The following HSF5 variants were observed in gnomAD, a reference collection of about 807,000 sequenced individuals.
HSF5 encodes the protein heat shock factor protein 5.
HSF5 carries 5 observed loss-of-function variants against 50.8 expected under a neutral mutation model. That is an observed-to-expected ratio of 0.10 (90% CI 0.05 to 0.21). The LOEUF (loss-of-function observed/expected upper bound fraction) is 0.21, where lower values mean the gene tolerates loss of function less well. Among genes scored for constraint, HSF5 ranks in the 10% least tolerant of loss-of-function variants. The probability of loss-of-function intolerance (pLI) is 1.00; values close to 1 mark genes in which losing one functional copy is unlikely to be tolerated. For synonymous variants in HSF5, 307 were observed against 307.4 expected (o/e 1.00, Z 0.02); for missense variants, 564 against 762.6 (o/e 0.74, Z 3.07).
chr17:58,488,081 GC>G lies in HSF5; in HGVS notation c.193del (p.Ala65ProfsTer124). On this transcript the variant is annotated frameshift_variant, in exon 1 of 6. Transcript: ENST00000323777. LOFTEE classifies it high-confidence loss of function. The surrounding 1 kb of genome is among the most constrained non-coding windows in gnomAD (Gnocchi z 4.1). ...GPGGGGGTAG[A>X]GAEPELFKTT... Reference sequence around the variant, plus strand: ...TTTGAAGAGCTCGGGCTCGGCCCCGGCCCCCGCAGTCCCGCCACCGCCCCCC... The same window carrying G: ...TTTGAAGAGCTCGGGCTCGGCCCCGGCCCCGCAGTCCCGCCACCGCCCCCC... The G allele has an allele frequency of 6.3e-7, 1 of 1,580,776 alleles. No homozygotes were observed. The highest frequency in any genetic ancestry group is 1.4e-5 in the African/African-American group (1 of 72,478).
chr17:58,459,070 ATTC>A, intron 4 of HSF5, 125 bp from the exon 5 acceptor site: 1 of 780,570 alleles, frequency 1.3e-6, no homozygotes, highest in Non-Finnish European at 2.1e-6. Context: ...AAGGCTTTTC[ATTC>A]TTATTATTGA....
intron 3 of HSF5, among the ~76,000 whole-genome samples, chr17:58,464,298 T>C (rs1462227300): frequency 6.6e-6 from 1 of 152,228 alleles, no homozygotes; most frequent in African/African-American, 2.4e-5. Flanking sequence ...ATAGATTTCA[T>C]CCAACCTTCA....
At chr17:58,465,624 CAA>C (rs11309055) in intron 3 of HSF5, among the ~76,000 whole-genome samples, 273 of 143,688 alleles carry the variant, frequency 1.9e-3, no homozygotes, top group Admixed American at 2.1e-3. Flanking sequence ...AGATTTTCTC[CAA>C]AAAAAAAAAA....
intron 5 of HSF5, among the ~76,000 whole-genome samples, chr17:58,456,143 A>G (rs751858104): frequency 2.2e-5 from 3 of 137,732 alleles, no homozygotes; most frequent in Non-Finnish European, 4.6e-5. Flanking sequence ...GTGTGTGTAT[A>G]TATATATATG....
At chr17:58,430,973 T>G (rs1476728402) in intron 5 of HSF5, among the ~76,000 whole-genome samples, 1 of 152,144 alleles carries the variant, frequency 6.6e-6, no homozygotes, top group Non-Finnish European at 1.5e-5. Context: ...AATCCCACCT[T>G]GAATTCCCAC....
At chr17:58,462,150 T>C (rs7219576) in intron 4 of HSF5, among the ~76,000 whole-genome samples, 1 of 152,242 alleles carries the variant, frequency 6.6e-6, no homozygotes, top group African/African-American at 2.4e-5. Context: ...TTTGTTTCTG[T>C]GGATGTACTT....
chr17:58,459,972 T>C (rs1010569939), intron 4 of HSF5, among the ~76,000 whole-genome samples: 2 of 152,180 alleles, frequency 1.3e-5, no homozygotes, highest in African/African-American at 2.4e-5. Flanking sequence ...CTCAAAATTG[T>C]ATAAGCTTTA....
intron 5 of HSF5, among the ~76,000 whole-genome samples, chr17:58,436,823 A>G (rs1368296131): frequency 1.3e-5 from 2 of 148,782 alleles, no homozygotes; most frequent in Admixed American, 6.7e-5. Flanking sequence ...GAAAGAGCAG[A>G]AAAAAAAAAC....
At chr17:58,464,735 C>T (rs1257690245) in intron 3 of HSF5, among the ~76,000 whole-genome samples, 1 of 152,132 alleles carries the variant, frequency 6.6e-6, no homozygotes, top group Non-Finnish European at 1.5e-5. Context: ...CAGGTTCAGG[C>T]GATTCTCCTG....
intron 1 of HSF5, among the ~76,000 whole-genome samples, chr17:58,481,582 T>A (rs1567919464): frequency 2.0e-5 from 3 of 152,266 alleles, no homozygotes; most frequent in African/African-American, 7.2e-5. Context: ...TATGTGCTAC[T>A]CAAGTATTAA....
chr17:58,439,445 A>C (rs926366967), intron 5 of HSF5, among the ~76,000 whole-genome samples: 5 of 152,170 alleles, frequency 3.3e-5, no homozygotes, highest in African/African-American at 4.8e-5. Flanking sequence ...CCCAAAAAGG[A>C]ACAATTATAG....
intron 5 of HSF5, among the ~76,000 whole-genome samples, chr17:58,433,030 C>T (rs950633375): frequency 1.4e-5 from 2 of 143,298 alleles, no homozygotes; most frequent in African/African-American, 5.2e-5. Flanking sequence ...ATTCATTCAT[C>T]TGAGACAAGG....
At chr17:58,429,405 G>C (rs900440230) in intron 5 of HSF5, among the ~76,000 whole-genome samples, 1 of 152,194 alleles carries the variant, frequency 6.6e-6, no homozygotes, top group Non-Finnish European at 1.5e-5. Context: ...AGCGAGGCAT[G>C]GTGGCCCATG....
chr17:58,426,467 G>C (rs1974297698), intron 5 of HSF5, among the ~76,000 whole-genome samples: 1 of 152,164 alleles, frequency 6.6e-6, no homozygotes, highest in Admixed American at 6.5e-5. Flanking sequence ...GGAATCACAG[G>C]CTTGAGAGGT....
At chr17:58,481,857 G>A (rs905891558) in intron 1 of HSF5, among the ~76,000 whole-genome samples, 5 of 152,100 alleles carry the variant, frequency 3.3e-5, no homozygotes, top group African/African-American at 4.8e-5. Flanking sequence ...AAAATCAGCT[G>A]GGCACGATGG....
intron 5 of HSF5, among the ~76,000 whole-genome samples, chr17:58,458,262 C>A (rs1160756332): frequency 2.6e-5 from 4 of 152,178 alleles, no homozygotes; most frequent in Non-Finnish European, 5.9e-5. Flanking sequence ...TGGGTTCTTA[C>A]AAACCACAAG....
At chr17:58,452,813 C>G (rs936032012) in intron 5 of HSF5, among the ~76,000 whole-genome samples, 6 of 152,156 alleles carry the variant, frequency 3.9e-5, no homozygotes, top group African/African-American at 9.7e-5. Flanking sequence ...TCTGCCCTCC[C>G]CAAGTTTGCA....
rs778557237 is a variant in HSF5, at chr17:58,462,879, T to C, written c.1445A>G (p.Gln482Arg). 4 of 1,614,096 alleles carry C rather than the reference T, an allele frequency of 2.5e-6. No individual in the cohort carries two copies. In the Admixed American group the frequency reaches 5.0e-5, roughly 20 times the overall value. The change falls in exon 4 of 6, where the codon CAG becomes CGG. Residue 482 changes from glutamine (Q) to arginine (R), a missense_variant. This residue lies in a region of HSF5 where 441 missense variants were observed against 533.6 expected (regional missense o/e 0.83). Transcript: ENST00000323777. ...CTCCTTCAGTTTGACATGAGCTTGC[T>C]GGATGGCTGCAGATTCCTGTATTGT... is the stretch of plus-strand genomic sequence containing the variant. ...NSTIQESAAIQQAHVKLKEHL... is the reference protein window; with the variant it reads ...NSTIQESAAIRQAHVKLKEHL...
chr17:58,468,193 T>G (rs150114556), intron 2 of HSF5, among the ~76,000 whole-genome samples: 1 of 152,014 alleles, frequency 6.6e-6, no homozygotes, highest in African/African-American at 2.4e-5. Flanking sequence ...AGCCCAGGAG[T>G]TTGAGACCAG....
Sources: gnomAD v4.1 joint callset for allele counts (sites outside exome capture counted in the v4.1 genomes callset) on GRCh38, gnomAD v4.1.1 for gene constraint, gnomAD v4.1.1 regional missense constraint, Gnocchi (gnomAD v3.1) non-coding constraint, MANE v1.5 for transcripts, NCBI Gene and HGNC (gene_info 2026-07-23, HGNC 2026-07-21) for gene names.